Variants in SYF2 observed in about 807,000 individuals in gnomAD.
The protein encoded by SYF2 is pre-mRNA-splicing factor SYF2.
In SYF2, 21 loss-of-function variants were observed where a neutral mutation model predicts 32.7. The ratio of observed to expected loss-of-function variants is 0.64; its 90% CI spans 0.45 to 0.92. SYF2 has a LOEUF of 0.92. Ranked by LOEUF, SYF2 falls within the 40% of genes least tolerant of loss-of-function variation. The pLI is 0.00. For synonymous variants in SYF2, 114 were observed against 103.9 expected, an observed-to-expected ratio of 1.10 and a Z score of -0.59; for missense variants, 278 against 296.5, an observed-to-expected ratio of 0.94 and a Z score of 0.46.
At chr1:25,228,703 T>G (rs1286924475) in intron 3 of SYF2, among the ~76,000 whole-genome samples, 1 of 152,152 alleles carries the variant, frequency 6.6e-6, no homozygotes, top group Non-Finnish European at 1.5e-5. Flanking sequence ...TGATACTTAT[T>G]GAGTGTTTAT....
At position 25,232,496 on chromosome 1, in the gene SYF2, C is replaced by A; in HGVS notation, c.-29G>T. ...AACCTTTCTCTCTTCCCACTTCCGG[C>A]AACAAGATAGAGCACTTCCGTCAAC... On this transcript the variant is annotated 5_prime_UTR_variant, in exon 1 of 7. Transcript: ENST00000236273. 1 of 1,614,176 alleles carries A rather than the reference C, an allele frequency of 6.2e-7. No individual in the cohort carries two copies. Among genetic ancestry groups the A allele is most frequent in the Non-Finnish European group, 8.5e-7 (1 of 1,180,040 alleles).
rs1363577147 is a variant in SYF2, at chr1:25,232,105, C to A, written c.131G>T (p.Arg44Leu). The A allele has an allele frequency of 1.2e-6, 2 of 1,613,578 alleles. No individual in the cohort carries two copies. The highest frequency in any genetic ancestry group is 1.7e-5 in the Admixed American group (1 of 59,918). Residue 44 changes from arginine to leucine, a missense_variant and splice_region_variant, in exon 2 of 7, where the codon CGG (arginine) becomes CTG (leucine). Coordinates refer to ENST00000236273, the MANE Select transcript of SYF2 (RefSeq NM_015484.5). ...LRKFRELHLMRNEARKLNHQE... is the reference protein window; with the variant it reads ...LRKFRELHLMLNEARKLNHQE... The stretch of plus-strand genomic sequence containing the variant: ...AAGCCGGCCTCCAAGACTACTCACC[C>A]GCATCAGGTGCAGCTCCCGGAATTT...
chr1:25,224,851 A>G (rs1173704547), intron 6 of SYF2, 151 bp downstream of exon 6: 1 of 564,724 alleles, frequency 1.8e-6, no homozygotes, highest in Non-Finnish European at 3.1e-6. Flanking sequence ...TCCATCCCCA[A>G]GCCACTATAG....
At chr1:25,230,405 T>C (rs1400969921) in intron 2 of SYF2, 1 of 152,024 alleles carries the variant, frequency 6.6e-6, no homozygotes, top group South Asian at 2.1e-4. Flanking sequence ...GAGTTAGACA[T>C]TCCTTAGGTC....
intron 2 of SYF2, 60 bp from the exon 3 acceptor site, chr1:25,229,183 T>C: frequency 6.3e-7 from 1 of 1,576,084 alleles, no homozygotes; most frequent in Admixed American, 1.9e-5. Flanking sequence ...CAGATACACC[T>C]TGCCTTCTTT....
intron 2 of SYF2, chr1:25,230,264 A>G (rs1347884231): frequency 6.6e-6 from 1 of 152,092 alleles, no homozygotes; most frequent in Non-Finnish European, 1.5e-5. Flanking sequence ...AAATGAAAGG[A>G]ATTTTCCATT....
At position 25,232,186 on chromosome 1, in the gene SYF2, C is replaced by T; in HGVS notation, c.50G>A (p.Gly17Glu). Reference sequence around the variant, plus strand: ...CAGCTCCGCCGCCGCAGCGAGGGACCCCTCCTCCGCGCTGTCCACCAGCAC... The same window carrying T: ...CAGCTCCGCCGCCGCAGCGAGGGACTCCTCCTCCGCGCTGTCCACCAGCAC... ...SEVLVDSAEE[G>E]SLAAAAELAA... is the part of the protein sequence containing the mutation. Residue 17 changes from glycine to glutamate, a missense_variant, in exon 2 of 7, where the codon GGG becomes GAG. By Grantham distance (98) the Gly-to-Glu change is moderately conservative. Coordinates refer to ENST00000236273, the MANE Select transcript of SYF2 (RefSeq NM_015484.5). 1 of 1,613,826 alleles carries T rather than the reference C, an allele frequency of 6.2e-7. No homozygotes were observed. The highest frequency in any genetic ancestry group is 8.5e-7 in the Non-Finnish European group (1 of 1,179,998).
At chr1:25,228,498 C>A (rs113760923) in intron 3 of SYF2, among the ~76,000 whole-genome samples, 1 of 152,114 alleles carries the variant, frequency 6.6e-6, no homozygotes, top group South Asian at 2.1e-4. Flanking sequence ...CCATGCCCGG[C>A]TAATTTTTGT....
At chr1:25,230,103 C>T (rs1638597787) in intron 2 of SYF2, among the ~76,000 whole-genome samples, 1 of 152,148 alleles carries the variant, frequency 6.6e-6, no homozygotes, top group African/African-American at 2.4e-5. Context: ...CAGGCATGTG[C>T]CACCACACCA....
chr1:25,229,028 C>T lies in SYF2; in HGVS notation c.228G>A (p.Glu76=), dbSNP rs778503423. The T allele has an allele frequency of 5.6e-6, 9 of 1,614,030 alleles. No individual in the cohort carries two copies. The highest frequency in any genetic ancestry group is 7.6e-6 in the Non-Finnish European group (9 of 1,179,984). Residue 76 remains glutamate (E), a synonymous_variant, in exon 3 of 7, where the codon GAG becomes GAA. Coordinates refer to ENST00000236273, the MANE Select transcript of SYF2 (RefSeq NM_015484.5). ...ANWEAKKARL[E]WELKEEEKKK... Reference sequence around the variant, plus strand: ...TCTTTTCCTCTTCCTTTAGTTCCCACTCCAAACGAGCTTTTTTGGCTTCCC... The same window carrying T: ...TCTTTTCCTCTTCCTTTAGTTCCCATTCCAAACGAGCTTTTTTGGCTTCCC...
chr1:25,225,925 GTGGGC>G (rs1361201754), intron 5 of SYF2, among the ~76,000 whole-genome samples: 1 of 150,090 alleles, frequency 6.7e-6, no homozygotes, highest in Non-Finnish European at 1.5e-5. Context: ...GGAGGCCAAG[GTGGGC>G]ACATCACCTG....
Position 25,228,246 on chromosome 1 carries a change from G to A in SYF2, c.259-11C>T. On this transcript the variant is annotated splice_polypyrimidine_tract_variant and intron_variant, in intron 3 of 6. Coordinates refer to ENST00000236273, the MANE Select transcript of SYF2 (RefSeq NM_015484.5). ...TCTTGCCGCACATTCCTAAAAAGAA[G>A]AAAAAAGCTGACACCTACAATTATG... 6.3e-7 allele frequency: 1 copy of A among 1,597,556 alleles called. No individual in the cohort carries two copies. The highest frequency in any genetic ancestry group is 1.3e-5 in the African/African-American group (1 of 74,326).
intron 5 of SYF2, among the ~76,000 whole-genome samples, chr1:25,226,667 A>G (rs145852677): frequency 3.9e-5 from 6 of 152,354 alleles, no homozygotes; most frequent in Admixed American, 2.0e-4. Context: ...ATAGCTGTGA[A>G]GTAAGCAATA....
At position 25,225,104 on chromosome 1, in the gene SYF2, A is replaced by T. The variant is rs113435245; in HGVS notation, c.468-4T>A. The T allele has an allele frequency of 8.1e-6, 13 of 1,600,126 alleles. No homozygotes were observed. The highest frequency in any genetic ancestry group is 1.7e-4 in the Middle Eastern group (1 of 6,034). On this transcript the variant is annotated splice_region_variant and splice_polypyrimidine_tract_variant and intron_variant, in intron 5 of 6. Transcript: ENST00000236273. ...TGTTGGGAAAAACTCTTCTCCACTG[A>T]AAAGGCAGCAAAATGAACTTACAGT...
At chr1:25,232,030 T>G (rs1365035268) in intron 2 of SYF2, 74 bp downstream of exon 2, 2 of 1,449,986 alleles carry the variant, frequency 1.4e-6, no homozygotes, top group African/African-American at 2.8e-5. Context: ...GTGGTGTGGC[T>G]TCCTCGTCCC....
At chr1:25,229,923 T>C (rs2124513211) in intron 2 of SYF2, among the ~76,000 whole-genome samples, 1 of 152,146 alleles carries the variant, frequency 6.6e-6, no homozygotes, top group Non-Finnish European at 1.5e-5. Context: ...TTCAAACAAT[T>C]CTCATGCCTC....
intron 2 of SYF2, chr1:25,230,819 A>ATTTTTT (rs756377994): frequency 1.5e-5 from 2 of 129,360 alleles, no homozygotes; most frequent in Non-Finnish European, 3.3e-5. Flanking sequence ...GGTATCTTAG[A>ATTTTTT]TTTTTTTTTT....
chr1:25,224,406 C>T (rs113724186), intron 6 of SYF2, among the ~76,000 whole-genome samples: 4 of 152,096 alleles, frequency 2.6e-5, no homozygotes, highest in Non-Finnish European at 2.9e-5. Flanking sequence ...CAGGCACGTA[C>T]CACCATGCCC....
intron 3 of SYF2, 128 bp downstream of exon 3, chr1:25,228,870 G>T: frequency 2.6e-6 from 3 of 1,145,178 alleles, no homozygotes; most frequent in Non-Finnish European, 3.7e-6. Flanking sequence ...AGTTGGTACT[G>T]AGCAGAGCCA....
Sources: gnomAD v4.1 joint callset for allele counts (sites outside exome capture counted in the v4.1 genomes callset) on GRCh38, gnomAD v4.1.1 for gene constraint, MANE v1.5 for transcripts, NCBI Gene and HGNC (gene_info 2026-07-23, HGNC 2026-07-21) for gene names.